The following ARHGAP29 variants were observed in gnomAD, a reference collection of about 807,000 sequenced individuals.
ARHGAP29 encodes the protein Rho GTPase activating protein 29.
Under a neutral mutation model 122.6 loss-of-function variants are expected in ARHGAP29, and 43 were observed. The ratio of observed to expected loss-of-function variants is 0.35; its 90% CI spans 0.27 to 0.45. ARHGAP29 has a LOEUF of 0.45. Among genes scored for constraint, ARHGAP29 ranks in the 20% least tolerant of loss-of-function variants. ARHGAP29 has a pLI of 1.00. For synonymous variants in ARHGAP29, 506 were observed against 497.1 expected (o/e 1.02, Z -0.24); for missense variants, 1,303 against 1,477.2 (o/e 0.88, Z 1.93).
At chr1:94,290,666 T>C in the ARHGAP29 span, among the ~76,000 whole-genome samples, 8 of 152,346 alleles carry the variant, frequency 5.3e-5, no homozygotes, top group Admixed American at 5.2e-4. Context: ...ATTTCTGCCT[T>C]CATTTCGTCA....
chr1:94,175,549 C>G (rs1649042385), intron 22 of ARHGAP29, among the ~76,000 whole-genome samples: 1 of 152,212 alleles, frequency 6.6e-6, no homozygotes, highest in Admixed American at 6.5e-5. Context: ...GCAATCCTTT[C>G]TCTGCCACCC....
chr1:94,170,553 A>G lies in ARHGAP29; in HGVS notation c.*3316T>C, dbSNP rs577142778. 3.0e-4 allele frequency among the ~76,000 whole-genome samples: 45 copies of G among 152,342 alleles called. 1 individual carries two copies. Among genetic ancestry groups the G allele is most frequent in the Admixed American group, 1.8e-3 (28 of 15,312 alleles). ...GCAGATTGAATGTGGTCTATGGATTAGATATCATGATGTCAATGTCAATCT... is the reference window on the plus strand; with the variant it reads ...GCAGATTGAATGTGGTCTATGGATTGGATATCATGATGTCAATGTCAATCT... On this transcript the variant is annotated 3_prime_UTR_variant, in exon 23 of 23. Transcript: ENST00000260526.
intron 11 of ARHGAP29, 24 bp from the exon 12 acceptor site, chr1:94,201,881 A>AC: frequency 6.5e-7 from 1 of 1,541,304 alleles, no homozygotes; most frequent in South Asian, 1.2e-5. Context: ...ACAGAAAAAA[A>AC]AATAACACTA....
At chr1:94,250,543 C>T (rs544829715) in intron 1 of ARHGAP29, 20 of 152,290 alleles carry the variant, frequency 1.3e-4, no homozygotes, top group Middle Eastern at 3.4e-3. Context: ...TAACAGGCCA[C>T]AGTGAGTACA....
At chr1:94,285,780 C>G in the ARHGAP29 span, among the ~76,000 whole-genome samples, 3 of 146,934 alleles carry the variant, frequency 2.0e-5, no homozygotes, top group African/African-American at 7.6e-5. Flanking sequence ...GAGGCTAAGG[C>G]AGGAGAATCA....
At chr1:94,267,929 C>T (rs1654835907) in intron 1 of ARHGAP29, among the ~76,000 whole-genome samples, 1 of 152,210 alleles carries the variant, frequency 6.6e-6, no homozygotes, top group Non-Finnish European at 1.5e-5. Context: ...CTTGGATGCT[C>T]AAGCTGCTAG....
At chr1:94,177,590 T>A (rs1412826938) in intron 22 of ARHGAP29, 22 bp downstream of exon 22, 7 of 1,568,630 alleles carry the variant, frequency 4.5e-6, no homozygotes, top group Non-Finnish European at 4.3e-6. Context: ...CAAACATATT[T>A]TTTTTTTACA....
At chr1:94,246,666 G>A (rs540264181) in intron 1 of ARHGAP29, among the ~76,000 whole-genome samples, 2 of 152,314 alleles carry the variant, frequency 1.3e-5, no homozygotes, top group African/African-American at 2.4e-5. Flanking sequence ...CAGAGGGGCT[G>A]AAAGACAAGG....
At chr1:94,219,691 C>T (rs1652170022) in intron 3 of ARHGAP29, among the ~76,000 whole-genome samples, 1 of 152,168 alleles carries the variant, frequency 6.6e-6, no homozygotes, top group Non-Finnish European at 1.5e-5. Context: ...CAGAATAATT[C>T]ACAACTTTGA....
chr1:94,310,894 T>C, the ARHGAP29 span, among the ~76,000 whole-genome samples: 3 of 152,200 alleles, frequency 2.0e-5, no homozygotes, highest in Admixed American at 1.3e-4. Flanking sequence ...CCATGCCTGC[T>C]GTTTTCTTCC....
chr1:94,298,946 T>C, the ARHGAP29 span, among the ~76,000 whole-genome samples: 37 of 152,338 alleles, frequency 2.4e-4, no homozygotes, highest in African/African-American at 7.2e-4. Context: ...TTAAATTGCA[T>C]TGGGTGGAGG....
At chr1:94,208,618 C>T (rs1446906538) in intron 5 of ARHGAP29, among the ~76,000 whole-genome samples, 1 of 151,918 alleles carries the variant, frequency 6.6e-6, no homozygotes, top group South Asian at 2.1e-4. Flanking sequence ...CACCACCATG[C>T]CCAGCTAATT....
chr1:94,206,727 T>A (rs902938668), intron 5 of ARHGAP29, among the ~76,000 whole-genome samples: 1 of 151,580 alleles, frequency 6.6e-6, no homozygotes, highest in African/African-American at 2.4e-5. Flanking sequence ...AGAAACCCCA[T>A]CTCTACTAAA....
At chr1:94,246,802 T>C (rs1221690162) in intron 1 of ARHGAP29, among the ~76,000 whole-genome samples, 1 of 152,072 alleles carries the variant, frequency 6.6e-6, no homozygotes, top group African/African-American at 2.4e-5. Flanking sequence ...GCTCTCTAGG[T>C]GGTAGGTGCA....
chr1:94,188,991 A>C (rs757480535), intron 14 of ARHGAP29, 50 bp from the exon 15 acceptor site: 3 of 1,542,284 alleles, frequency 1.9e-6, no homozygotes, highest in Non-Finnish European at 1.8e-6. Context: ...AGATTTCATA[A>C]GGTAAAATAC....
chr1:94,216,719 A>G (rs1651973894), intron 3 of ARHGAP29, among the ~76,000 whole-genome samples: 1 of 152,240 alleles, frequency 6.6e-6, no homozygotes, highest in Non-Finnish European at 1.5e-5. Flanking sequence ...AAAAACCTAA[A>G]TTAAGGGTTA....
chr1:94,243,642 A>T (rs1430723046), intron 1 of ARHGAP29, among the ~76,000 whole-genome samples: 1 of 152,082 alleles, frequency 6.6e-6, no homozygotes, highest in Admixed American at 6.5e-5. Context: ...GCTAGAAAAC[A>T]AAGAGCAAAT....
chr1:94,238,053 ATTTTTTTT>A (rs71717670), upstream of ARHGAP29, among the ~76,000 whole-genome samples: 9 of 61,052 alleles, frequency 1.5e-4, no homozygotes, highest in Admixed American at 4.2e-4. Context: ...GCCTATCTGT[ATTTTTTTT>A]TTTTTTTTTT....
the ARHGAP29 span, among the ~76,000 whole-genome samples, chr1:94,309,495 C>G: frequency 6.6e-6 from 1 of 152,162 alleles, no homozygotes; most frequent in East Asian, 1.9e-4. Context: ...CAAACATGTC[C>G]CCGCTTTTTC....
Sources: gnomAD v4.1 joint callset for allele counts (sites outside exome capture counted in the v4.1 genomes callset) on GRCh38, gnomAD v4.1.1 for gene constraint, MANE v1.5 for transcripts, NCBI Gene and HGNC (gene_info 2026-07-23, HGNC 2026-07-21) for gene names.